Variants in TRMT9B observed in about 807,000 individuals in gnomAD.
The protein encoded by TRMT9B is tRNA methyltransferase 9B (putative), also known as probable tRNA methyltransferase 9B.
In TRMT9B, 16 loss-of-function variants were observed where a neutral mutation model predicts 11.5. That is an observed-to-expected ratio of 1.39 (90% confidence interval 0.94 to 2.11). The LOEUF (loss-of-function observed/expected upper bound fraction) is 2.11, where lower values mean the gene tolerates loss of function less well. Among genes scored for constraint, TRMT9B ranks in the 30% most tolerant of loss-of-function variants. TRMT9B has a pLI of 0.00. For synonymous variants in TRMT9B, 274 were observed against 192.4 expected (o/e 1.42, Z -3.51); for missense variants, 941 against 553.8 (o/e 1.70, Z -7.02).
At chr8:12,968,676 C>T (rs751265320) in intron 1 of TRMT9B, among the ~76,000 whole-genome samples, 2 of 152,190 alleles carry the variant, frequency 1.3e-5, no homozygotes, top group Non-Finnish European at 2.9e-5. Context: ...GGAGGGACAG[C>T]CTGAGCAGCT....
Position 13,010,318 on chromosome 8 carries a change from T to C in TRMT9B, c.155-2366T>C, listed in dbSNP as rs1023297793. The C allele has an allele frequency of 1.1e-5, 11 of 958,592 alleles. No individual in the cohort carries two copies. In the African/African-American group the frequency reaches 1.9e-4, roughly 17 times the overall value. The allele number at this position is 958,592 out of a possible 1,614,324, so 59.4% of individuals were successfully genotyped here. A position where few individuals can be genotyped will look rare whatever the true frequency, so the allele number is the denominator to read the frequency against. The stretch of plus-strand genomic sequence containing the variant: ...TCATTGCAAAATGAAAGATGCATTT[T>C]AATGAAATTGAAGTTAAAGAAGAAA... On this transcript the variant is annotated intron_variant, in intron 3 of 4. Transcript: ENST00000524591.
chr8:12,965,104 A>G (rs1802640246), intron 1 of TRMT9B, among the ~76,000 whole-genome samples: 1 of 152,226 alleles, frequency 6.6e-6, no homozygotes, highest in African/African-American at 2.4e-5. Context: ...ATACAGTGCA[A>G]GCTGCCTGCA....
At chr8:13,005,397 A>T (rs183444721) in intron 2 of TRMT9B, among the ~76,000 whole-genome samples, 62 of 152,144 alleles carry the variant, frequency 4.1e-4, no homozygotes, top group Admixed American at 4.1e-3. Context: ...GTAAAAAAAA[A>T]TTTATTTGTA....
Position 13,021,927 on chromosome 8 carries a change from A to G in TRMT9B, c.1248A>G (p.Arg416=). The change falls in exon 5 of 5, where the codon CGA becomes CGG. Residue 416 remains arginine (R), a synonymous_variant. Coordinates refer to ENST00000524591, the MANE Select transcript of TRMT9B (RefSeq NM_020844.3). The part of the protein sequence containing the change: ...TAFMRYYHVF[R]EGELCSLLKE... The stretch of plus-strand genomic sequence containing the variant: ...TTATGCGCTACTACCATGTGTTTCG[A>G]GAAGGGGAGCTCTGCAGTCTGCTCA... The G allele has an allele frequency of 6.2e-7, 1 of 1,613,768 alleles. No homozygotes were observed. Among genetic ancestry groups the G allele is most frequent in the Non-Finnish European group, 8.5e-7 (1 of 1,179,866 alleles).
At chr8:13,018,926 G>A (rs965574308) in intron 4 of TRMT9B, among the ~76,000 whole-genome samples, 2 of 152,136 alleles carry the variant, frequency 1.3e-5, no homozygotes, top group African/African-American at 2.4e-5. Flanking sequence ...TGCAGAAAAT[G>A]TGGCACAAAA....
chr8:13,018,138 A>T (rs939206807), intron 4 of TRMT9B, among the ~76,000 whole-genome samples: 5 of 149,616 alleles, frequency 3.3e-5, no homozygotes, highest in African/African-American at 1.2e-4. Flanking sequence ...GTGGTGGTTC[A>T]TGCCTGCAAT....
chr8:12,969,678 T>G (rs1359633018), intron 1 of TRMT9B, among the ~76,000 whole-genome samples: 1 of 151,858 alleles, frequency 6.6e-6, no homozygotes, highest in East Asian at 1.9e-4. Context: ...TTTCTTCTTT[T>G]TTTAGAGAGT....
rs61536433 is a variant in TRMT9B, at chr8:12,959,516, C to CTTTTTT, written c.-200+13568_-200+13573dup. Among the ~76,000 whole-genome samples, 632 of 74,904 alleles carry CTTTTTT rather than the reference C, an allele frequency of 8.4e-3. 52 individuals carry two copies. The highest frequency in any genetic ancestry group is 8.8e-3 in the African/African-American group (175 of 19,952). The allele number at this position is 74,904 out of a possible 152,430, so 49.1% of individuals were successfully genotyped here. A position where few individuals can be genotyped will look rare whatever the true frequency, so the allele number is the denominator to read the frequency against. ...TCTCCTCTCCTTTCCTTTTTCCTTCCTTTTTTTTTTTTTTTTTTTTTTTGA... is the reference window on the plus strand; with the variant it reads ...TCTCCTCTCCTTTCCTTTTTCCTTCCTTTTTTTTTTTTTTTTTTTTTTTTTTTTTGA... On this transcript the variant is annotated intron_variant, in intron 1 of 4. Coordinates refer to ENST00000524591, the MANE Select transcript of TRMT9B (RefSeq NM_020844.3).
intron 1 of TRMT9B, among the ~76,000 whole-genome samples, chr8:12,954,365 G>T (rs962557017): frequency 7.2e-5 from 11 of 152,156 alleles, no homozygotes. Context: ...TTATGAAGAA[G>T]GCTCTATCAT....
In TRMT9B at chr8:13,012,826, T is replaced by A. The variant is rs1338627554; in HGVS notation, c.297T>A (p.Asp99Glu). Residue 99 changes from aspartate to glutamate, a missense_variant, in exon 4 of 5, where the codon GAT becomes GAA. Asp to Glu is a conservative substitution (Grantham distance 45). Transcript: ENST00000524591. ...ACAACCTTAATCTCCCCTTTAGGGA[T>A]GAGGGCTTCGATGCCATCATCTCCA... ...VCDNLNLPFR[D>E]EGFDAIISIG... 1 of 1,613,788 alleles carries A rather than the reference T, an allele frequency of 6.2e-7. No individual in the cohort carries two copies. Among genetic ancestry groups the A allele is most frequent in the Non-Finnish European group, 8.5e-7 (1 of 1,179,854 alleles).
intron 1 of TRMT9B, among the ~76,000 whole-genome samples, chr8:12,973,429 G>C (rs543488116): frequency 7.2e-5 from 11 of 152,340 alleles, no homozygotes; most frequent in African/African-American, 2.6e-4. Flanking sequence ...AGACACAGTG[G>C]TCTGGACCAA....
At chr8:13,003,813 A>C (rs1337301113) in intron 2 of TRMT9B, among the ~76,000 whole-genome samples, 2 of 150,604 alleles carry the variant, frequency 1.3e-5, no homozygotes, top group East Asian at 2.0e-4. Flanking sequence ...GTTAACACAC[A>C]AAAAAAGCAC....
chr8:12,959,491 TC>T (rs1801765750), intron 1 of TRMT9B, among the ~76,000 whole-genome samples: 2 of 146,790 alleles, frequency 1.4e-5, no homozygotes, highest in Admixed American at 6.9e-5. Context: ...TCTCCTCTCC[TC>T]TCCTCTCCTT....
chr8:13,025,971 T>C lies in TRMT9B; in HGVS notation c.*3927T>C, dbSNP rs1814640171. On this transcript the variant is annotated 3_prime_UTR_variant, in exon 5 of 5. Transcript: ENST00000524591. ...CTAGGAACATGAATGCCCCTGATTA[T>C]TAATGGCCAAAAAAAAAGCACTGGT... 6.0e-6 allele frequency: 1 copy of C among 166,962 alleles called. No individual in the cohort carries two copies. Among genetic ancestry groups the C allele is most frequent in the African/African-American group, 2.4e-5 (1 of 41,420 alleles). The allele number at this position is 166,962 out of a possible 1,614,324, so 10.3% of individuals were successfully genotyped here. A position where few individuals can be genotyped will look rare whatever the true frequency, so the allele number is the denominator to read the frequency against.
intron 1 of TRMT9B, among the ~76,000 whole-genome samples, chr8:12,975,152 C>T (rs940164911): frequency 2.6e-5 from 4 of 151,650 alleles, no homozygotes; most frequent in African/African-American, 7.3e-5. Context: ...ATTCCATGTA[C>T]GGCTAGGAGG....
intron 1 of TRMT9B, among the ~76,000 whole-genome samples, chr8:12,949,543 C>T (rs936122821): frequency 5.3e-5 from 8 of 152,296 alleles, no homozygotes; most frequent in South Asian, 2.1e-4. Context: ...ACTGAAATGC[C>T]GCTTATGATG....
At chr8:12,979,725 G>T (rs560213141) in intron 1 of TRMT9B, among the ~76,000 whole-genome samples, 2 of 152,244 alleles carry the variant, frequency 1.3e-5, no homozygotes, top group Admixed American at 6.5e-5. Flanking sequence ...ATGTTTTTCA[G>T]AATCTTCATA....
chr8:13,000,382 C>T (rs1809195538), intron 2 of TRMT9B, among the ~76,000 whole-genome samples: 1 of 152,110 alleles, frequency 6.6e-6, no homozygotes, highest in Non-Finnish European at 1.5e-5. Context: ...GTTTTTCTAC[C>T]CTTTGGAAAC....
Position 13,021,549 on chromosome 8 carries a change from T to C in TRMT9B, c.870T>C (p.Ser290=), listed in dbSNP as rs1174007571. The C allele has an allele frequency of 6.2e-7, 1 of 1,613,766 alleles. No homozygotes were observed. The highest frequency in any genetic ancestry group is 1.3e-5 in the African/African-American group (1 of 74,888). The change falls in exon 5 of 5, where the codon TCT becomes TCC. Residue 290 remains serine, a synonymous_variant. Transcript: ENST00000524591. Reference sequence around the variant, plus strand: ...TAACAGTCCAGCCTTCCAGACACTCTAGTTTAGACTTTGATCACCAAGAGC... The same window carrying C: ...TAACAGTCCAGCCTTCCAGACACTCCAGTTTAGACTTTGATCACCAAGAGC... ...STVTVQPSRH[S]SLDFDHQEPF... is the part of the protein sequence containing the mutation.
Sources: allele counts gnomAD v4.1 joint callset (sites outside exome capture counted in the v4.1 genomes callset), GRCh38; gene constraint gnomAD v4.1.1; transcripts MANE v1.5; gene names NCBI Gene and HGNC (gene_info 2026-07-23, HGNC 2026-07-21).